Variants in SPAG16 observed in about 807,000 individuals in gnomAD.
The protein encoded by SPAG16 is sperm associated antigen 16.
SPAG16 carries 86 observed loss-of-function variants against 80.4 expected under a neutral mutation model. The observed-to-expected ratio is 1.07, with a 90% CI of 0.90 to 1.28. The LOEUF (loss-of-function observed/expected upper bound fraction) is 1.28. SPAG16 is among the 50% of genes most tolerant of loss of function. The pLI, the probability that SPAG16 is intolerant of heterozygous loss-of-function variation, is 0.00. For missense variants in SPAG16, 870 were observed against 765.3 expected (o/e 1.14, Z -1.61); for synonymous variants, 294 against 265.9 (o/e 1.11, Z -1.03).
At chr2:213,331,478 G>A (rs530044225) in intron 5 of SPAG16, among the ~76,000 whole-genome samples, 5 of 152,274 alleles carry the variant, frequency 3.3e-5, no homozygotes, top group South Asian at 2.1e-4. Flanking sequence ...GGGAGAGATC[G>A]CAATACAGTA....
rs1458849776 is a variant in SPAG16 at position 213,350,608 on chromosome 2, T to C, written c.725T>C (p.Met242Thr). The C allele has an allele frequency of 6.2e-7, 1 of 1,603,562 alleles. No individual in the cohort carries two copies. Among genetic ancestry groups the C allele is most frequent in the Non-Finnish European group, 8.5e-7 (1 of 1,176,600 alleles). Reference sequence around the variant, plus strand: ...CACCACACTTTACTGAAGGAGAAAATGCTGACCTCCTTGGAAAGAGACAAA... The same window carrying C: ...CACCACACTTTACTGAAGGAGAAAACGCTGACCTCCTTGGAAAGAGACAAA... ...EKHHTLLKEKMLTSLERDKVV... is the reference protein window; with the variant it reads ...EKHHTLLKEKTLTSLERDKVV... Residue 242 changes from methionine (M) to threonine (T), a missense_variant, in exon 7 of 16, where the codon ATG (methionine) becomes ACG (threonine). Coordinates refer to ENST00000331683, the MANE Select transcript of SPAG16 (RefSeq NM_024532.5).
intron 14 of SPAG16, among the ~76,000 whole-genome samples, chr2:214,135,977 C>G (rs2055032757): frequency 6.6e-6 from 1 of 152,052 alleles, no homozygotes; most frequent in African/African-American, 2.4e-5. Flanking sequence ...CTGTCATCTG[C>G]TTTTGGTTAG....
At chr2:213,511,060 A>G (rs2075204942) in intron 10 of SPAG16, among the ~76,000 whole-genome samples, 1 of 152,170 alleles carries the variant, frequency 6.6e-6, no homozygotes, top group Non-Finnish European at 1.5e-5. Context: ...AAAATGCTAA[A>G]TGGCATTTGG....
chr2:214,202,543 T>G (rs950643432), intron 15 of SPAG16, among the ~76,000 whole-genome samples: 2 of 152,162 alleles, frequency 1.3e-5, no homozygotes, highest in Non-Finnish European at 2.9e-5. Flanking sequence ...ATGGTCACCA[T>G]CGGGGCAGAG....
chr2:213,740,019 T>C (rs540987819), intron 10 of SPAG16, among the ~76,000 whole-genome samples: 31 of 152,218 alleles, frequency 2.0e-4, no homozygotes, highest in Non-Finnish European at 4.0e-4. Context: ...ATGAATTCTT[T>C]TGGAAAGCCA....
At chr2:213,528,562 G>A (rs946142156) in intron 10 of SPAG16, among the ~76,000 whole-genome samples, 10 of 152,056 alleles carry the variant, frequency 6.6e-5, no homozygotes, top group Non-Finnish European at 1.2e-4. Context: ...AAAATTATAC[G>A]TGTAAAACCA....
chr2:213,525,794 T>A (rs557784549), intron 10 of SPAG16, among the ~76,000 whole-genome samples: 1 of 152,236 alleles, frequency 6.6e-6, no homozygotes, highest in East Asian at 1.9e-4. Context: ...TCTACCTAGG[T>A]AGAGCAATAA....
intron 10 of SPAG16, among the ~76,000 whole-genome samples, chr2:213,538,654 A>G (rs1427149295): frequency 6.6e-6 from 1 of 152,044 alleles, no homozygotes; most frequent in African/African-American, 2.4e-5. Flanking sequence ...TTTTCTCCCT[A>G]TCTTATCTTT....
intron 5 of SPAG16, among the ~76,000 whole-genome samples, chr2:213,334,528 C>G (rs182622143): frequency 6.6e-6 from 1 of 152,252 alleles, no homozygotes; most frequent in African/African-American, 2.4e-5. Context: ...CAGCACTGTT[C>G]ACAATAGCCA....
chr2:213,348,469 G>T (rs1223452881), intron 6 of SPAG16, among the ~76,000 whole-genome samples: 2 of 152,126 alleles, frequency 1.3e-5, no homozygotes, highest in Non-Finnish European at 2.9e-5. Context: ...TTTCTTCCTA[G>T]CCTCGATGGT....
chr2:213,645,734 G>T (rs1297327029), intron 10 of SPAG16, among the ~76,000 whole-genome samples: 4 of 152,116 alleles, frequency 2.6e-5, no homozygotes. Flanking sequence ...GGTGATGCCA[G>T]CTCTCCCTTG....
At chr2:214,170,482 G>C (rs1349570188) in intron 15 of SPAG16, among the ~76,000 whole-genome samples, 2 of 152,000 alleles carry the variant, frequency 1.3e-5, no homozygotes, top group East Asian at 3.9e-4. Context: ...ATCCCTTGAA[G>C]TTCAATAGCT....
intron 10 of SPAG16, among the ~76,000 whole-genome samples, chr2:213,532,009 G>A (rs2076087314): frequency 6.6e-6 from 1 of 151,964 alleles, no homozygotes; most frequent in African/African-American, 2.4e-5. Flanking sequence ...TAGGGTTTTT[G>A]TTTGCTTTTA....
intron 10 of SPAG16, among the ~76,000 whole-genome samples, chr2:213,604,725 T>C (rs1406440586): frequency 6.6e-6 from 1 of 152,014 alleles, no homozygotes; most frequent in African/African-American, 2.4e-5. Flanking sequence ...TTCTACACAA[T>C]AGATCTTCCT....
At chr2:213,869,265 A>AAAAAAAAAAAAAAAATATATATATACG (rs1491244962) in intron 11 of SPAG16, among the ~76,000 whole-genome samples, 344 of 24,620 alleles carry the variant, frequency 0.014, 11 homozygotes, top group Non-Finnish European at 0.085. Flanking sequence ...AAAAAAAAAA[A>AAAAAAAAAAAAAAAATATATATATACG]TATATATATA....
chr2:213,544,377 G>C (rs1406838412), intron 10 of SPAG16, among the ~76,000 whole-genome samples: 2 of 151,990 alleles, frequency 1.3e-5, no homozygotes, highest in Non-Finnish European at 1.5e-5. Flanking sequence ...TTTAAGAGCA[G>C]TTTTAGGTTC....
rs536921012 is a variant in SPAG16, at chr2:213,886,034, G to T, written c.1214+23406G>T. 3.9e-5 allele frequency among the ~76,000 whole-genome samples: 6 copies of T among 152,238 alleles called. No individual in the cohort carries two copies. In the South Asian group the frequency reaches 1.2e-3, roughly 32 times the overall value. ...ATGTAAAAATATGATTGGATAAAAAGGGTATGATCTAGTGCTAATTTTCTA... is the reference window on the plus strand; with the variant it reads ...ATGTAAAAATATGATTGGATAAAAATGGTATGATCTAGTGCTAATTTTCTA... On this transcript the variant is annotated intron_variant, in intron 11 of 15. Transcript: ENST00000331683.
At chr2:214,256,695 TCCTTTGGTG>T (rs1690710963) in intron 15 of SPAG16, among the ~76,000 whole-genome samples, 1 of 151,944 alleles carries the variant, frequency 6.6e-6, no homozygotes, top group Admixed American at 6.6e-5. Flanking sequence ...CACACTGGGT[TCCTTTGGTG>T]CCTTTATTAA....
Position 213,321,387 on chromosome 2 carries a change from G to T in SPAG16, c.536+4031G>T, listed in dbSNP as rs528437321. ...ACTCCCAGTTTTCTTATTAACCTGGGAATTATTTTGCATAGTGTTATTAAT... is the reference window on the plus strand; with the variant it reads ...ACTCCCAGTTTTCTTATTAACCTGGTAATTATTTTGCATAGTGTTATTAAT... On this transcript the variant is annotated intron_variant, in intron 5 of 15. Coordinates refer to ENST00000331683, the MANE Select transcript of SPAG16 (RefSeq NM_024532.5). Among the ~76,000 whole-genome samples the T allele has an allele frequency of 3.3e-5, 5 of 151,944 alleles. No homozygotes were observed. In the East Asian group the frequency reaches 7.7e-4, roughly 23 times the overall value.
Sources: allele counts gnomAD v4.1 joint callset (sites outside exome capture counted in the v4.1 genomes callset), GRCh38; gene constraint gnomAD v4.1.1; transcripts MANE v1.5; gene names NCBI Gene and HGNC (gene_info 2026-07-23, HGNC 2026-07-21).